The following ALK variants were observed in gnomAD, a reference collection of about 807,000 sequenced individuals.
ALK encodes ALK receptor tyrosine kinase.
In ALK, 74 loss-of-function variants were observed where a neutral mutation model predicts 163.1. The observed-to-expected ratio is 0.45, with a 90% CI of 0.38 to 0.55. The LOEUF is 0.55. ALK is among the 20% of genes least tolerant of loss of function. The pLI, the probability that ALK is intolerant of heterozygous loss-of-function variation, is 0.00. For missense variants in ALK, 2,063 were observed against 2,105.3 expected, an observed-to-expected ratio of 0.98 and a Z score of 0.39; for synonymous variants, 960 against 843.2, an observed-to-expected ratio of 1.14 and a Z score of -2.40.
intron 3 of ALK, among the ~76,000 whole-genome samples, chr2:29,587,064 C>T (rs774878117): frequency 6.6e-5 from 10 of 152,174 alleles, no homozygotes; most frequent in Non-Finnish European, 1.5e-4. Context: ...CCTACTCTTG[C>T]CTGAAAGTTA....
chr2:29,653,770 T>C (rs369768452), intron 3 of ALK, among the ~76,000 whole-genome samples: 31 of 152,054 alleles, frequency 2.0e-4, no homozygotes, highest in African/African-American at 7.0e-4. Context: ...GTAGTAAAAA[T>C]CATATACAGG....
At chr2:29,275,637 G>C in intron 9 of ALK, 141 bp from the exon 10 acceptor site, 5 of 798,496 alleles carry the variant, frequency 6.3e-6, no homozygotes, top group South Asian at 2.9e-5. Flanking sequence ...GCAGTGGCGA[G>C]AGAAGAGCAG....
At chr2:29,721,471 C>T (rs1211396112) in intron 1 of ALK, among the ~76,000 whole-genome samples, 1 of 152,192 alleles carries the variant, frequency 6.6e-6, no homozygotes, top group Non-Finnish European at 1.5e-5. Flanking sequence ...TAACTCAGTT[C>T]ACTCTCTCTC....
intron 3 of ALK, among the ~76,000 whole-genome samples, chr2:29,665,739 T>C (rs1312534303): frequency 2.0e-5 from 3 of 152,160 alleles, no homozygotes; most frequent in Non-Finnish European, 2.9e-5. Context: ...CTACTTGATA[T>C]TGTTTGCTTC....
chr2:29,229,439 C>T (rs896641182), intron 15 of ALK, among the ~76,000 whole-genome samples: 7 of 152,184 alleles, frequency 4.6e-5, no homozygotes, highest in Non-Finnish European at 7.3e-5. Context: ...AGCCAAGCCC[C>T]GTAGCACTGG....
rs141012647 is a variant in ALK at position 29,767,317 on chromosome 2, A to G, written c.668-49620T>C. Among the ~76,000 whole-genome samples the G allele has an allele frequency of 3.5e-4, 54 of 152,358 alleles. 1 individual carries two copies. The highest frequency in any genetic ancestry group is 1.1e-3 in the African/African-American group (47 of 41,596). ...AACTTTTTAAAGGCAGAGCAGGGATAAATGTCAAGAGATGGGGGCTCAGCA... is the reference window on the plus strand; with the variant it reads ...AACTTTTTAAAGGCAGAGCAGGGATGAATGTCAAGAGATGGGGGCTCAGCA... On this transcript the variant is annotated intron_variant, in intron 1 of 28. Coordinates refer to ENST00000389048, the MANE Select transcript of ALK (RefSeq NM_004304.5).
In ALK at chr2:29,233,635, C is replaced by T. The variant is rs761568836; in HGVS notation, c.2417G>A (p.Arg806His). 28 of 1,614,102 alleles carry T rather than the reference C, an allele frequency of 1.7e-5. No homozygotes were observed. Among genetic ancestry groups the T allele is most frequent in the Admixed American group, 1.7e-4 (10 of 59,998 alleles). Residue 806 changes from arginine (R) to histidine (H), a missense_variant, in exon 14 of 29, where the codon CGT (arginine) becomes CAT (histidine). This residue lies in a region of ALK where 575 missense variants were observed against 626.6 expected (regional missense o/e 0.92). Transcript: ENST00000389048. Reference sequence around the variant, plus strand: ...CCACTCATGCACGCTTCTGTTCACACGGATTTCTTCTTCTATCACATTGTT... The same window carrying T: ...CCACTCATGCACGCTTCTGTTCACATGGATTTCTTCTTCTATCACATTGTT... ...GENNVIEEEI[R>H]VNRSVHEWAG... is the part of the protein sequence containing the mutation.
At chr2:29,345,869 G>A (rs1267179172) in intron 5 of ALK, among the ~76,000 whole-genome samples, 1 of 152,116 alleles carries the variant, frequency 6.6e-6, no homozygotes, top group Non-Finnish European at 1.5e-5. Flanking sequence ...CAATGCACCT[G>A]TATCTAAGAC....
chr2:29,471,679 A>T (rs773704127), intron 4 of ALK, among the ~76,000 whole-genome samples: 1 of 152,140 alleles, frequency 6.6e-6, no homozygotes, highest in Non-Finnish European at 1.5e-5. Context: ...CCGTTCCCAC[A>T]TGCTCTCACA....
intron 3 of ALK, among the ~76,000 whole-genome samples, chr2:29,592,438 A>G (rs1032047147): frequency 3.3e-5 from 5 of 152,108 alleles, no homozygotes; most frequent in African/African-American, 9.7e-5. Context: ...GTTGCAAAGT[A>G]TCCCTCTCGC....
Position 29,246,976 on chromosome 2 carries a change from C to T in ALK, c.2204+4129G>A, listed in dbSNP as rs1014650981. ...AGGCCAGCCTTGCCCGACTTCTCAT[C>T]GGCAGTACCGACTTCTTGTGCTCAC... is the stretch of plus-strand genomic sequence containing the variant. On this transcript the variant is annotated intron_variant, in intron 12 of 28. Transcript: ENST00000389048. This position sits in a 1 kb window ranked among gnomAD's most constrained non-coding sequence, Gnocchi z 4.3. 3.3e-5 allele frequency among the ~76,000 whole-genome samples: 5 copies of T among 152,208 alleles called. No individual in the cohort carries two copies. Among genetic ancestry groups the T allele is most frequent in the Non-Finnish European group, 7.3e-5 (5 of 68,044 alleles).
chr2:29,457,645 C>CTTGG (rs113547300), intron 4 of ALK, among the ~76,000 whole-genome samples: 4 of 152,204 alleles, frequency 2.6e-5, no homozygotes, highest in African/African-American at 9.6e-5. Context: ...AATCAGGGAG[C>CTTGG]TTGGGTTCAG....
chr2:29,499,666 A>G (rs1672118052), intron 4 of ALK, among the ~76,000 whole-genome samples: 2 of 151,954 alleles, frequency 1.3e-5, no homozygotes, highest in South Asian at 4.2e-4. Flanking sequence ...TGAAAATCCA[A>G]ACCCCAGCTC....
chr2:29,304,396 T>C (rs953131363), intron 8 of ALK, among the ~76,000 whole-genome samples: 8 of 149,144 alleles, frequency 5.4e-5, no homozygotes, highest in Admixed American at 2.1e-4. Flanking sequence ...CTCAGGAGGC[T>C]GAGGCAGGAA....
In ALK at chr2:29,278,488, G is replaced by A. The variant is rs115639000; in HGVS notation, c.1818-2992C>T. Among the ~76,000 whole-genome samples the A allele has an allele frequency of 8.9e-3, 1,349 of 152,214 alleles. 23 individuals are homozygous for A. Among genetic ancestry groups the A allele is most frequent in the African/African-American group, 0.03 (1,258 of 41,520 alleles). On this transcript the variant is annotated intron_variant, in intron 9 of 28. Transcript: ENST00000389048. ...AGGCATTTCTGCACACATCTCACAC[G>A]CCTTCATCAGGTTTCTCTACAAATC...
At chr2:29,391,371 G>A (rs1669167989) in intron 4 of ALK, among the ~76,000 whole-genome samples, 1 of 150,690 alleles carries the variant, frequency 6.6e-6, no homozygotes, top group African/African-American at 2.4e-5. Context: ...GCACGATCTT[G>A]GCTCACTGCA....
At chr2:29,620,219 A>T (rs1262976079) in intron 3 of ALK, among the ~76,000 whole-genome samples, 4 of 152,164 alleles carry the variant, frequency 2.6e-5, no homozygotes, top group Non-Finnish European at 5.9e-5. Context: ...GGATGCTGGA[A>T]GTCCAAAATC....
intron 23 of ALK, among the ~76,000 whole-genome samples, chr2:29,217,089 A>G: frequency 9.1e-6 from 1 of 109,818 alleles, no homozygotes; most frequent in Non-Finnish European, 1.8e-5. Flanking sequence ...TGTAAGTGGT[A>G]TATGTCTATG....
intron 1 of ALK, among the ~76,000 whole-genome samples, chr2:29,796,965 TATAC>T (rs999528969): frequency 5.9e-5 from 9 of 151,542 alleles, no homozygotes; most frequent in Admixed American, 1.3e-4. Context: ...TACATACATA[TATAC>T]ATACATACAT....
Sources: allele counts gnomAD v4.1 joint callset (sites outside exome capture counted in the v4.1 genomes callset), GRCh38; gene constraint gnomAD v4.1.1; regional missense constraint gnomAD v4.1.1; non-coding constraint Gnocchi (gnomAD v3.1); transcripts MANE v1.5; gene names NCBI Gene and HGNC (gene_info 2026-07-23, HGNC 2026-07-21).